The following PNLIPRP3 variants were observed in gnomAD, a reference collection of about 807,000 sequenced individuals.
The protein encoded by PNLIPRP3 is pancreatic lipase related protein 3.
PNLIPRP3 carries 58 observed loss-of-function variants against 52.8 expected under a neutral mutation model. That is an observed-to-expected ratio of 1.10 (90% confidence interval 0.89 to 1.37). The LOEUF (loss-of-function observed/expected upper bound fraction) is 1.37. Among genes scored for constraint, PNLIPRP3 ranks in the 40% most tolerant of loss-of-function variants. PNLIPRP3 has a pLI of 0.00. For missense variants in PNLIPRP3, 593 were observed against 561.6 expected, an observed-to-expected ratio of 1.06 and a Z score of -0.57; for synonymous variants, 192 against 185.0, an observed-to-expected ratio of 1.04 and a Z score of -0.31.
chr10:116,467,529 T>G lies in PNLIPRP3; in HGVS notation c.927+1361T>G, dbSNP rs1846299742. ...AGCACTGCTACCCATGTTTTTAAAA[T>G]GTTCACATTTCATTCCTTTTCCTTT... On this transcript the variant is annotated intron_variant, in intron 8 of 11. Transcript: ENST00000369230. 1.3e-5 allele frequency among the ~76,000 whole-genome samples: 2 copies of G among 152,200 alleles called. 1 individual carries two copies. The highest frequency in any genetic ancestry group is 4.1e-4 in the South Asian group (2 of 4,832).
intron 7 of PNLIPRP3, among the ~76,000 whole-genome samples, chr10:116,462,447 G>C (rs936578636): frequency 9.2e-5 from 14 of 151,982 alleles, no homozygotes; most frequent in Non-Finnish European, 1.2e-4. Context: ...GGCTGTTGTA[G>C]AGGAAAGATA....
At chr10:116,448,996 A>G (rs1005911308) in intron 4 of PNLIPRP3, among the ~76,000 whole-genome samples, 1 of 142,090 alleles carries the variant, frequency 7.0e-6, no homozygotes, top group South Asian at 2.4e-4. Flanking sequence ...AGCCTTGGCA[A>G]TAGAGCAAGA....
intron 4 of PNLIPRP3, among the ~76,000 whole-genome samples, chr10:116,454,406 C>A (rs1846083089): frequency 6.6e-6 from 1 of 152,198 alleles, no homozygotes; most frequent in South Asian, 2.1e-4. Flanking sequence ...GCGTGAGCCC[C>A]CACGCCTGGC....
rs896427341 is a variant in PNLIPRP3 at position 116,442,957 on chromosome 10, T to C, written c.205-98T>C. The C allele has an allele frequency of 5.4e-6, 5 of 929,164 alleles. No individual in the cohort carries two copies. In the Admixed American group the frequency reaches 1.6e-4, roughly 29 times the overall value. 57.6% of individuals were successfully genotyped at this position (929,164 alleles called of 1,614,324 possible). On this transcript the variant is annotated intron_variant, in intron 2 of 11. Transcript: ENST00000369230. ...TTAAAGAAGGTTGCTAAAGATCAAATTTAGTGAAAGGCTTTCGAGCAGCTT... is the reference window on the plus strand; with the variant it reads ...TTAAAGAAGGTTGCTAAAGATCAAACTTAGTGAAAGGCTTTCGAGCAGCTT...
chr10:116,465,958 G>T, intron 7 of PNLIPRP3, 92 bp from the exon 8 acceptor site: 1 of 912,982 alleles, frequency 1.1e-6, no homozygotes, highest in Non-Finnish European at 1.8e-6. Context: ...AACTCAAGAA[G>T]ACTGCCACTT....
At chr10:116,461,457 G>C (rs963827464) in intron 7 of PNLIPRP3, among the ~76,000 whole-genome samples, 167 bp downstream of exon 7, 2 of 152,120 alleles carry the variant, frequency 1.3e-5, no homozygotes, top group Non-Finnish European at 2.9e-5. Context: ...CCACAAGATC[G>C]GGTACCGTGT....
Position 116,461,036 on chromosome 10 carries a change from CT to C in PNLIPRP3, c.639del (p.Phe213LeufsTer43), listed in dbSNP as rs770335870. On this transcript the variant is annotated frameshift_variant, in exon 6 of 12. Coordinates refer to ENST00000369230, the MANE Select transcript of PNLIPRP3 (RefSeq NM_001011709.3). LOFTEE classifies it high-confidence loss of function. ...EVRLDPSDANFVDVIHTNAAR... is the reference protein window; with the variant it reads ...EVRLDPSDANXVDVIHTNAAR... ...TCAGGCTAGACCCCTCGGATGCCAA[CT>C]TTGTTGACGTTATTCATACAAATGC... 6.2e-7 allele frequency: 1 copy of C among 1,614,080 alleles called. No homozygotes were observed. Among genetic ancestry groups the C allele is most frequent in the African/African-American group, 1.3e-5 (1 of 75,068 alleles).
intron 7 of PNLIPRP3, among the ~76,000 whole-genome samples, chr10:116,465,614 G>A (rs1846268968): frequency 6.6e-6 from 1 of 152,092 alleles, no homozygotes; most frequent in Admixed American, 6.5e-5. Context: ...GGAAAGACCA[G>A]GCAAACAGGA....
At position 116,477,255 on chromosome 10, in the gene PNLIPRP3, A is replaced by G; in HGVS notation, c.*102A>G. ...CAAATTTGACCCTTGTAAATGACTTAGTCATTTACAAGGGTCTTACTCAGA... is the reference window on the plus strand; with the variant it reads ...CAAATTTGACCCTTGTAAATGACTTGGTCATTTACAAGGGTCTTACTCAGA... On this transcript the variant is annotated 3_prime_UTR_variant, in exon 12 of 12. Transcript: ENST00000369230. 3 of 917,494 alleles carry G rather than the reference A, an allele frequency of 3.3e-6. No homozygotes were observed. Among genetic ancestry groups the G allele is most frequent in the Non-Finnish European group, 5.0e-6 (3 of 600,042 alleles). 56.8% of individuals were successfully genotyped at this position (917,494 alleles called of 1,614,324 possible).
Position 116,429,497 on chromosome 10 carries a change from T to A in PNLIPRP3, c.49+1436T>A, listed in dbSNP as rs1845679535. 3.3e-5 allele frequency among the ~76,000 whole-genome samples: 5 copies of A among 152,232 alleles called. No individual in the cohort carries two copies. The South Asian group carries it at 1.0e-3, about 31-fold the overall frequency. ...AGAAAACAAAACACAGAGAGATTCG[T>A]TGTGTAACATCTTGGCGCTAGCTTG... On this transcript the variant is annotated intron_variant, in intron 1 of 11. Coordinates refer to ENST00000369230, the MANE Select transcript of PNLIPRP3 (RefSeq NM_001011709.3).
chr10:116,464,447 C>T (rs1846246377), intron 7 of PNLIPRP3, among the ~76,000 whole-genome samples: 1 of 152,204 alleles, frequency 6.6e-6, no homozygotes, highest in Admixed American at 6.5e-5. Context: ...ACTTATCTCA[C>T]CCACTTGGCC....
intron 2 of PNLIPRP3, among the ~76,000 whole-genome samples, chr10:116,438,330 G>A (rs185983818): frequency 6.6e-6 from 1 of 152,168 alleles, no homozygotes; most frequent in Non-Finnish European, 1.5e-5. Context: ...AGTGGGGCCA[G>A]AGAAGATCAT....
Position 116,440,075 on chromosome 10 carries a change from C to CT in PNLIPRP3, c.205-2972dup, listed in dbSNP as rs199976917. 32 of 698,220 alleles carry CT rather than the reference C, an allele frequency of 4.6e-5. No homozygotes were observed. In the Middle Eastern group the frequency reaches 1.2e-3, roughly 26 times the overall value. The allele number at this position is 698,220 out of a possible 1,614,324, so 43.3% of individuals were successfully genotyped here. ...ACTGTATTGTTCGCTAGTAGATCAA[C>CT]TTTTTTTTAAGTGAAGAGAATCTAT... On this transcript the variant is annotated intron_variant, in intron 2 of 11. Transcript: ENST00000369230.
In PNLIPRP3 at chr10:116,444,094, G is replaced by T. The variant is rs190462354; in HGVS notation, c.325-288G>T. Among the ~76,000 whole-genome samples, 181 of 151,896 alleles carry T rather than the reference G, an allele frequency of 1.2e-3. 1 individual carries two copies. The highest frequency in any genetic ancestry group is 4.2e-3 in the African/African-American group (175 of 41,390). On this transcript the variant is annotated intron_variant, in intron 3 of 11. Coordinates refer to ENST00000369230, the MANE Select transcript of PNLIPRP3 (RefSeq NM_001011709.3). ...GGAAGGAGAAGTGCCAAGTGAAGGG[G>T]GAAGAATCCCTTATAAAACCATCAG...
intron 2 of PNLIPRP3, chr10:116,439,445 T>C: frequency 1.6e-6 from 1 of 641,034 alleles, no homozygotes; most frequent in South Asian, 1.7e-5. Context: ...AGGAGACAGA[T>C]AAATAGTTTC....
At chr10:116,456,203 G>C (rs7090501) in intron 5 of PNLIPRP3, among the ~76,000 whole-genome samples, 5,486 of 152,250 alleles carry the variant, frequency 0.036, 241 homozygotes, top group African/African-American at 0.076. Context: ...AGAAGAGAGG[G>C]GAGGCTAAAG....
In PNLIPRP3 at chr10:116,461,202, C is replaced by G; in HGVS notation, c.720C>G (p.Asp240Glu). Reference protein sequence around the residue: ...VGTIDACGHLDFYPNGGKHMP... With the variant: ...VGTIDACGHLEFYPNGGKHMP... ...CCATTGATGCTTGTGGTCATCTTGACTTTTACCCAAATGGAGGGAAGCACA... is the reference window on the plus strand; with the variant it reads ...CCATTGATGCTTGTGGTCATCTTGAGTTTTACCCAAATGGAGGGAAGCACA... The change falls in exon 7 of 12, where the codon GAC (aspartate) becomes GAG (glutamate). Residue 240 changes from aspartate (D) to glutamate (E), a missense_variant. Physicochemically the swap from Asp to Glu is conservative, Grantham distance 45. Transcript: ENST00000369230. 4 of 1,614,138 alleles carry G rather than the reference C, an allele frequency of 2.5e-6. No individual in the cohort carries two copies. Among genetic ancestry groups the G allele is most frequent in the Non-Finnish European group, 3.4e-6 (4 of 1,180,004 alleles).
At chr10:116,458,433 C>T (rs562279326) in intron 5 of PNLIPRP3, among the ~76,000 whole-genome samples, 71 of 143,072 alleles carry the variant, frequency 5.0e-4, no homozygotes, top group Non-Finnish European at 9.7e-4. Context: ...CTCTTCCTTA[C>T]GTCTTGGAAA....
intron 3 of PNLIPRP3, among the ~76,000 whole-genome samples, chr10:116,444,129 G>A (rs1772066503): frequency 2.0e-5 from 3 of 151,970 alleles, no homozygotes; most frequent in Middle Eastern, 3.4e-3. Context: ...GATCTCATAA[G>A]AACTCACTAT....
Sources: gnomAD v4.1 joint callset for allele counts (sites outside exome capture counted in the v4.1 genomes callset) on GRCh38, gnomAD v4.1.1 for gene constraint, MANE v1.5 for transcripts, NCBI Gene and HGNC (gene_info 2026-07-23, HGNC 2026-07-21) for gene names.